Variants in SLC44A2 observed in about 807,000 individuals in gnomAD.
The protein encoded by SLC44A2 is solute carrier family 44 member 2 (CTL2 blood group).
In SLC44A2, 57 loss-of-function variants were observed where a neutral mutation model predicts 90.8. The observed-to-expected ratio is 0.63, with a 90% CI of 0.51 to 0.78. SLC44A2 has a LOEUF of 0.78. Ranked by LOEUF, SLC44A2 falls within the 30% of genes least tolerant of loss-of-function variation. The pLI is 0.00. For missense variants in SLC44A2, 794 were observed against 919.7 expected (o/e 0.86, Z 1.77); for synonymous variants, 355 against 360.7 (o/e 0.98, Z 0.18).
chr19:10,636,068 C>T (rs2067050985), intron 14 of SLC44A2: 1 of 505,548 alleles, frequency 2.0e-6, no homozygotes, highest in East Asian at 3.5e-5. Flanking sequence ...TGAGCCACCT[C>T]GCCCGGCCCA....
intron 1 of SLC44A2, among the ~76,000 whole-genome samples, chr19:10,609,476 T>C (rs929276091): frequency 6.6e-6 from 1 of 151,940 alleles, no homozygotes. Flanking sequence ...CTTTTTGTAT[T>C]TTTAGTAGAG....
Position 10,631,680 on chromosome 19 carries a change from G to A in SLC44A2, c.557G>A (p.Gly186Asp), listed in dbSNP as rs1292804450. ...GCCTACAAGGGTGTCCTGATGGTGG[G>A]CAATGAGACGACCTATGAGGATGGG... is the stretch of plus-strand genomic sequence containing the variant. ...IHAYKGVLMV[G>D]NETTYEDGHG... The change falls in exon 8 of 22, where the codon GGC (glycine) becomes GAC (aspartate). Residue 186 changes from glycine to aspartate, a missense_variant. This residue lies in a region of SLC44A2 where 738 missense variants were observed against 841.1 expected (regional missense o/e 0.88). Transcript: ENST00000335757. 5 of 1,613,290 alleles carry A rather than the reference G, an allele frequency of 3.1e-6. No individual in the cohort carries two copies. The highest frequency in any genetic ancestry group is 4.2e-6 in the Non-Finnish European group (5 of 1,180,024).
At chr19:10,612,219 A>T (rs1918322955) in intron 1 of SLC44A2, among the ~76,000 whole-genome samples, 1 of 151,748 alleles carries the variant, frequency 6.6e-6, no homozygotes, top group Non-Finnish European at 1.5e-5. Flanking sequence ...CAAAAAATTA[A>T]AAATTAGCGG....
At chr19:10,619,013 G>A (rs936625482) in intron 1 of SLC44A2, among the ~76,000 whole-genome samples, 1 of 128,552 alleles carries the variant, frequency 7.8e-6, no homozygotes, top group Non-Finnish European at 1.6e-5. Context: ...CACCCAGGCT[G>A]TAGGGCAGTG....
intron 4 of SLC44A2, among the ~76,000 whole-genome samples, chr19:10,630,344 C>T (rs977098095): frequency 1.3e-5 from 2 of 150,808 alleles, no homozygotes; most frequent in South Asian, 4.2e-4. Context: ...GAGAAAGACT[C>T]TTGTCTCAAA....
rs530303366 is a variant in SLC44A2 at position 10,637,482 on chromosome 19, G to A, written c.1592-162G>A. 1.1e-4 allele frequency: 73 copies of A among 638,226 alleles called. No homozygotes were observed. In the African/African-American group the frequency reaches 1.2e-3, roughly 10 times the overall value. The allele number at this position is 638,226 out of a possible 1,614,324, so 39.5% of individuals were successfully genotyped here. ...GCTGGAGTGCAGTGGCACCATCATA[G>A]CTCACTGCAGCCTCAAACTCCTGGG... On this transcript the variant is annotated intron_variant, in intron 16 of 21. Coordinates refer to ENST00000335757, the MANE Select transcript of SLC44A2 (RefSeq NM_020428.4).
At chr19:10,620,069 G>A (rs971708092) in intron 1 of SLC44A2, among the ~76,000 whole-genome samples, 1 of 152,112 alleles carries the variant, frequency 6.6e-6, no homozygotes, top group African/African-American at 2.4e-5. Flanking sequence ...CCAGCTACTC[G>A]AGAGGCTGAG....
intron 4 of SLC44A2, among the ~76,000 whole-genome samples, chr19:10,629,266 A>G (rs1374980357): frequency 6.8e-6 from 1 of 147,424 alleles, no homozygotes; most frequent in Admixed American, 6.8e-5. Context: ...TTAAACTATT[A>G]TTATTATTAT....
chr19:10,638,228 G>T lies in SLC44A2; in HGVS notation c.1842G>T (p.Gly614=), dbSNP rs145248288. The change falls in exon 20 of 22, where the codon GGG becomes GGT. Residue 614 remains glycine (G), a splice_region_variant and synonymous_variant. Transcript: ENST00000335757. ...LGKLLIVGSV[G]ILAFFFFTHR... ...TCTTGCTTTCTTCTCCTTCTCCAGG[G>T]ATCCTGGCTTTCTTCTTCTTCACCC... 4.3e-6 allele frequency: 7 copies of T among 1,613,980 alleles called. No individual in the cohort carries two copies. In the East Asian group the frequency reaches 1.6e-4, roughly 36 times the overall value.
At position 10,631,145 on chromosome 19, in the gene SLC44A2, A is replaced by T. The variant is rs2066989547; in HGVS notation, c.330+4A>T. ...ATTCCAATGTCCCACTCCCCAGGTA[A>T]CCTGGTCCCCACCGTTCCCTTTTTC... On this transcript the variant is annotated splice_donor_region_variant and intron_variant, in intron 5 of 21. Transcript: ENST00000335757. 4 of 1,613,490 alleles carry T rather than the reference A, an allele frequency of 2.5e-6. No homozygotes were observed. Among genetic ancestry groups the T allele is most frequent in the Non-Finnish European group, 3.4e-6 (4 of 1,179,574 alleles).
intron 2 of SLC44A2, 30 bp from the exon 3 acceptor site, chr19:10,627,692 T>G: frequency 6.2e-7 from 1 of 1,611,078 alleles, no homozygotes; most frequent in East Asian, 2.2e-5. Context: ...GCACCAAGCC[T>G]CCTCCAAACA....
chr19:10,634,328 G>A (rs1003375415), intron 10 of SLC44A2, among the ~76,000 whole-genome samples: 1 of 151,490 alleles, frequency 6.6e-6, no homozygotes, highest in African/African-American at 2.4e-5. Context: ...GCCGGGCATG[G>A]TGGCGCATGC....
intron 1 of SLC44A2, among the ~76,000 whole-genome samples, chr19:10,608,051 C>T (rs10413422): frequency 0.22 from 33,408 of 151,510 alleles, 4,489 homozygotes; most frequent in East Asian, 0.7. Context: ...CCAGCCACCC[C>T]GTTTCTACTA....
intron 1 of SLC44A2, among the ~76,000 whole-genome samples, chr19:10,612,384 T>C (rs1918330445): frequency 6.6e-6 from 1 of 151,784 alleles, no homozygotes; most frequent in Admixed American, 6.6e-5. Context: ...AAATAAAAAA[T>C]AAAAAAAGGT....
intron 16 of SLC44A2, chr19:10,637,046 A>T: frequency 2.7e-6 from 1 of 375,282 alleles, no homozygotes; most frequent in Non-Finnish European, 4.9e-6. Flanking sequence ...ATTTGCGCTG[A>T]AGAGAGCAGG....
chr19:10,617,959 T>C (rs1331559487), intron 1 of SLC44A2, among the ~76,000 whole-genome samples: 1 of 152,190 alleles, frequency 6.6e-6, no homozygotes, highest in Admixed American at 6.6e-5. Context: ...TTTCCCTTCA[T>C]ACTTGTAATA....
intron 1 of SLC44A2, chr19:10,602,646 G>A (rs74436647): frequency 0.089 from 105,470 of 1,184,288 alleles, 4,997 homozygotes; most frequent in Middle Eastern, 0.11. Flanking sequence ...GAGACCCTAG[G>A]CACCGGCGCT....
At chr19:10,642,517 C>A in intron 21 of SLC44A2, 66 bp downstream of exon 21, 1 of 1,454,194 alleles carries the variant, frequency 6.9e-7, no homozygotes, top group Non-Finnish European at 9.6e-7. Flanking sequence ...GGCATCACAT[C>A]ACCCTCCAAC....
intron 1 of SLC44A2, among the ~76,000 whole-genome samples, chr19:10,607,814 C>T (rs1217203251): frequency 1.3e-5 from 2 of 148,484 alleles, no homozygotes; most frequent in East Asian, 2.0e-4. Flanking sequence ...GGCGTGATCT[C>T]GGCTCACTGC....
Sources: gnomAD v4.1 joint callset for allele counts (sites outside exome capture counted in the v4.1 genomes callset) on GRCh38, gnomAD v4.1.1 for gene constraint, gnomAD v4.1.1 regional missense constraint, MANE v1.5 for transcripts, NCBI Gene and HGNC (gene_info 2026-07-23, HGNC 2026-07-21) for gene names.